Variants in CCBE1 observed in about 807,000 individuals in gnomAD.
CCBE1 encodes the protein collagen and calcium binding EGF domains 1.
A neutral mutation model predicts 50.0 loss-of-function variants in CCBE1; 37 were observed. That is an observed-to-expected ratio of 0.74 (90% CI 0.57 to 0.97). The LOEUF (loss-of-function observed/expected upper bound fraction) is 0.97, where lower values mean the gene tolerates loss of function less well. Among genes scored for constraint, CCBE1 ranks in the 50% least tolerant of loss-of-function variants. The probability of loss-of-function intolerance (pLI) is 0.00; values close to 1 mark genes in which losing one functional copy is unlikely to be tolerated. For synonymous variants in CCBE1, 234 were observed against 203.7 expected, an observed-to-expected ratio of 1.15 and a Z score of -1.27; for missense variants, 538 against 523.8, an observed-to-expected ratio of 1.03 and a Z score of -0.26.
In CCBE1 at chr18:59,435,307, A is replaced by G. The variant is rs1910102439; in HGVS notation, c.*601T>C. 1 of 157,222 alleles carries G rather than the reference A, an allele frequency of 6.4e-6. No individual in the cohort carries two copies. The highest frequency in any genetic ancestry group is 1.4e-5 in the Non-Finnish European group (1 of 71,048). 9.7% of individuals were successfully genotyped at this position (157,222 alleles called of 1,614,324 possible). ...TTCTATCTTCTCTAAACGCCATTCA[A>G]TTCTCTCCTCTCTTTAATTGAATTT... On this transcript the variant is annotated 3_prime_UTR_variant, in exon 11 of 11. Transcript: ENST00000439986.
intron 2 of CCBE1, among the ~76,000 whole-genome samples, chr18:59,526,740 C>T (rs1205980451): frequency 1.3e-5 from 2 of 152,228 alleles, no homozygotes; most frequent in South Asian, 2.1e-4. Context: ...AAGAACTTCT[C>T]GATTTCTGCT....
At chr18:59,469,632 C>T (rs1568157124) in intron 3 of CCBE1, 25 bp from the exon 4 acceptor site, 1 of 1,613,786 alleles carries the variant, frequency 6.2e-7, no homozygotes, top group South Asian at 1.1e-5. Flanking sequence ...TGAGAGCTCA[C>T]ATCAACTACA....
intron 2 of CCBE1, among the ~76,000 whole-genome samples, chr18:59,524,636 G>A (rs1455748646): frequency 6.6e-6 from 1 of 152,106 alleles, no homozygotes; most frequent in Non-Finnish European, 1.5e-5. Context: ...ACATGTGCGA[G>A]ATGTGCAGGT....
At chr18:59,635,431 C>CTGAAATGAAAT (rs2053903091) in intron 2 of CCBE1, among the ~76,000 whole-genome samples, 1 of 150,884 alleles carries the variant, frequency 6.6e-6, no homozygotes, top group Non-Finnish European at 1.5e-5. Context: ...TAAGGAAAAA[C>CTGAAATGAAAT]AAGCAAACTG....
At chr18:59,523,871 A>G (rs947886494) in intron 2 of CCBE1, among the ~76,000 whole-genome samples, 1 of 152,182 alleles carries the variant, frequency 6.6e-6, no homozygotes, top group African/African-American at 2.4e-5. Context: ...TGCATTGGTG[A>G]TGTGATACTA....
At chr18:59,552,738 T>C (rs57030013) in intron 2 of CCBE1, among the ~76,000 whole-genome samples, 7,058 of 152,324 alleles carry the variant, frequency 0.046, 289 homozygotes, top group African/African-American at 0.11. Context: ...ATGGAAGATG[T>C]GTCTGGAGTA....
intron 2 of CCBE1, among the ~76,000 whole-genome samples, chr18:59,589,927 AC>A (rs1237685946): frequency 2.0e-5 from 3 of 152,182 alleles, no homozygotes; most frequent in Admixed American, 2.0e-4. Context: ...AGGAAAGAGA[AC>A]CATAAGATTA....
intron 2 of CCBE1, among the ~76,000 whole-genome samples, chr18:59,581,850 C>T (rs2053088252): frequency 6.6e-6 from 1 of 152,072 alleles, no homozygotes; most frequent in African/African-American, 2.4e-5. Context: ...TGCCCAAAGC[C>T]CCCACCTCCC....
At chr18:59,505,096 C>G (rs561607303) in intron 2 of CCBE1, among the ~76,000 whole-genome samples, 1 of 152,204 alleles carries the variant, frequency 6.6e-6, no homozygotes, top group Non-Finnish European at 1.5e-5. Context: ...GGCCTCTAAG[C>G]TTCCAACTCT....
chr18:59,454,689 C>T (rs1911096711), intron 6 of CCBE1, among the ~76,000 whole-genome samples, 162 bp downstream of exon 6: 1 of 152,228 alleles, frequency 6.6e-6, no homozygotes, highest in African/African-American at 2.4e-5. Context: ...TTGGATGGCT[C>T]TGAGGGTGGG....
At chr18:59,495,728 C>T (rs1219237128) in intron 2 of CCBE1, among the ~76,000 whole-genome samples, 9 of 152,100 alleles carry the variant, frequency 5.9e-5, no homozygotes, top group Non-Finnish European at 1.3e-4. Flanking sequence ...CTCTGACCCT[C>T]TGATGTGCCT....
intron 4 of CCBE1, among the ~76,000 whole-genome samples, chr18:59,468,701 T>C (rs925600570): frequency 6.6e-6 from 1 of 152,204 alleles, no homozygotes; most frequent in African/African-American, 2.4e-5. Context: ...GTCTACCTGC[T>C]AGTCTCTGGC....
At chr18:59,545,001 A>G (rs1455555441) in intron 2 of CCBE1, among the ~76,000 whole-genome samples, 1 of 152,222 alleles carries the variant, frequency 6.6e-6, no homozygotes, top group Non-Finnish European at 1.5e-5. Flanking sequence ...TACAATCAAT[A>G]TACAATTGAA....
intron 2 of CCBE1, among the ~76,000 whole-genome samples, chr18:59,549,003 T>TGAGGCAGGAGAATCACTTGAACCTGG (rs1217857748): frequency 1.6e-4 from 24 of 149,590 alleles, no homozygotes; most frequent in Admixed American, 1.2e-3. Flanking sequence ...CTCGGGAGGC[T>TGAGGCAGGAGAATCACTTGAACCTGG]GAGGCAGGAG....
chr18:59,576,414 A>G (rs2052996513), intron 2 of CCBE1, among the ~76,000 whole-genome samples: 1 of 152,242 alleles, frequency 6.6e-6, no homozygotes, highest in Non-Finnish European at 1.5e-5. Context: ...CTTGACATTC[A>G]GGAAAATATT....
intron 2 of CCBE1, among the ~76,000 whole-genome samples, chr18:59,500,095 G>C (rs747914605): frequency 1.3e-5 from 2 of 152,186 alleles, no homozygotes; most frequent in Non-Finnish European, 2.9e-5. Flanking sequence ...AGTCCCAGAG[G>C]AAGGTAGCAA....
rs569916745 is a variant in CCBE1, at chr18:59,515,240, C to T, written c.213-35002G>A. On this transcript the variant is annotated intron_variant, in intron 2 of 10. Transcript: ENST00000439986. Reference sequence around the variant, plus strand: ...TCTGTCTGTAAAGTTTGCTAGCTGGCATTGTAGCTACACAAATAACAGTCA... The same window carrying T: ...TCTGTCTGTAAAGTTTGCTAGCTGGTATTGTAGCTACACAAATAACAGTCA... Among the ~76,000 whole-genome samples the T allele has an allele frequency of 3.3e-5, 5 of 152,306 alleles. No homozygotes were observed. The South Asian group carries it at 8.3e-4, about 25-fold the overall frequency.
chr18:59,590,785 T>C (rs553237587), intron 2 of CCBE1, among the ~76,000 whole-genome samples: 60 of 152,314 alleles, frequency 3.9e-4, no homozygotes, highest in African/African-American at 1.4e-3. Flanking sequence ...TTTAATAAGT[T>C]GTATTAGGAC....
chr18:59,553,695 G>C (rs112561778), intron 2 of CCBE1, among the ~76,000 whole-genome samples: 16 of 152,174 alleles, frequency 1.1e-4, no homozygotes, highest in African/African-American at 3.4e-4. Context: ...GCAGCCTTCT[G>C]CTACTGAGCC....
Sources: allele counts gnomAD v4.1 joint callset (sites outside exome capture counted in the v4.1 genomes callset), GRCh38; gene constraint gnomAD v4.1.1; transcripts MANE v1.5; gene names NCBI Gene and HGNC (gene_info 2026-07-23, HGNC 2026-07-21).